ADAMTS20: variants seen among roughly 807,000 people sequenced by gnomAD.
ADAMTS20 encodes the protein A disintegrin and metalloproteinase with thrombospondin motifs 20.
In ADAMTS20, 225 loss-of-function variants were observed where a neutral mutation model predicts 260.1. The ratio of observed to expected loss-of-function variants is 0.87; its 90% CI spans 0.78 to 0.97. ADAMTS20 has a LOEUF of 0.97. Ranked by LOEUF, ADAMTS20 falls within the 50% of genes least tolerant of loss-of-function variation. The pLI, the probability that ADAMTS20 is intolerant of heterozygous loss-of-function variation, is 0.00. For synonymous variants in ADAMTS20, 802 were observed against 769.5 expected, an observed-to-expected ratio of 1.04 and a Z score of -0.70; for missense variants, 2,400 against 2,337.7, an observed-to-expected ratio of 1.03 and a Z score of -0.55.
chr12:43,409,747 C>A (rs544340727), intron 28 of ADAMTS20, among the ~76,000 whole-genome samples: 3 of 150,880 alleles, frequency 2.0e-5, no homozygotes, highest in Non-Finnish European at 3.0e-5. Flanking sequence ...CAACACAAAT[C>A]TTTTTAATGA....
At chr12:43,528,499 A>C (rs988189258) in intron 3 of ADAMTS20, among the ~76,000 whole-genome samples, 4 of 152,148 alleles carry the variant, frequency 2.6e-5, no homozygotes, top group African/African-American at 9.6e-5. Flanking sequence ...AGAACCTACA[A>C]ATAAAGCCAA....
At chr12:43,412,742 C>T (rs114415096) in intron 28 of ADAMTS20, among the ~76,000 whole-genome samples, 1,945 of 150,022 alleles carry the variant, frequency 0.013, 45 homozygotes, top group African/African-American at 0.046. Context: ...CTAAGGCCCA[C>T]GAATAAACAA....
intron 29 of ADAMTS20, among the ~76,000 whole-genome samples, chr12:43,394,705 G>A (rs931402578): frequency 2.6e-5 from 4 of 152,028 alleles, no homozygotes; most frequent in African/African-American, 9.7e-5. Context: ...ATTTGCTAAG[G>A]AAATATAAGG....
At chr12:43,386,001 T>A (rs139436476) in intron 29 of ADAMTS20, among the ~76,000 whole-genome samples, 3,420 of 152,288 alleles carry the variant, frequency 0.022, 57 homozygotes, top group East Asian at 0.085. Context: ...AGTGGTGATA[T>A]CTCCTTTATC....
chr12:43,372,525 CT>C (rs1453390339), intron 36 of ADAMTS20, among the ~76,000 whole-genome samples: 1 of 152,096 alleles, frequency 6.6e-6, no homozygotes, highest in Non-Finnish European at 1.5e-5. Context: ...AGAAATTTTA[CT>C]ATAAATGAAC....
intron 29 of ADAMTS20, among the ~76,000 whole-genome samples, chr12:43,398,803 G>A (rs1956658924): frequency 6.6e-6 from 1 of 152,042 alleles, no homozygotes; most frequent in Admixed American, 6.6e-5. Context: ...TTGAGCCCAG[G>A]AGTTTAAGAA....
chr12:43,411,625 C>A (rs908059207), intron 28 of ADAMTS20, among the ~76,000 whole-genome samples: 4 of 152,148 alleles, frequency 2.6e-5, no homozygotes, highest in Non-Finnish European at 1.5e-5. Flanking sequence ...ACCTCAGCCT[C>A]CCAAAGTGCT....
chr12:43,392,354 A>C (rs1940613742), intron 29 of ADAMTS20, among the ~76,000 whole-genome samples: 1 of 152,142 alleles, frequency 6.6e-6, no homozygotes, highest in South Asian at 2.1e-4. Context: ...TTTAGCAAGA[A>C]GTTCTATTAG....
At chr12:43,517,829 C>G (rs1399890588) in intron 3 of ADAMTS20, among the ~76,000 whole-genome samples, 1 of 151,892 alleles carries the variant, frequency 6.6e-6, no homozygotes, top group African/African-American at 2.4e-5. Flanking sequence ...ACAAATAGAC[C>G]AATGGAAGAG....
intron 26 of ADAMTS20, among the ~76,000 whole-genome samples, chr12:43,428,040 A>G (rs1159434990): frequency 6.6e-6 from 1 of 152,180 alleles, no homozygotes; most frequent in Admixed American, 6.5e-5. Context: ...TGTAATCATA[A>G]TAACACATTA....
At chr12:43,467,782 T>C (rs1052743563) in intron 8 of ADAMTS20, among the ~76,000 whole-genome samples, 1 of 152,114 alleles carries the variant, frequency 6.6e-6, no homozygotes, top group Non-Finnish European at 1.5e-5. Flanking sequence ...GAGATGATCG[T>C]TTACTAAAAA....
At chr12:43,370,301 C>T (rs1321312453) in intron 36 of ADAMTS20, among the ~76,000 whole-genome samples, 1 of 152,172 alleles carries the variant, frequency 6.6e-6, no homozygotes, top group Non-Finnish European at 1.5e-5. Context: ...GCATTTCTTC[C>T]CAAGCCCAGG....
chr12:43,366,064 C>T (rs1179341460), intron 37 of ADAMTS20, among the ~76,000 whole-genome samples: 2 of 151,574 alleles, frequency 1.3e-5, no homozygotes, highest in East Asian at 3.9e-4. Context: ...TAAAAAAATC[C>T]AATCAAAGGC....
chr12:43,471,570 A>G, intron 7 of ADAMTS20, among the ~76,000 whole-genome samples: 1 of 131,454 alleles, frequency 7.6e-6, no homozygotes, highest in Non-Finnish European at 1.6e-5. Flanking sequence ...TAACCTCTGC[A>G]GACTTAAATG....
At chr12:43,397,058 A>G (rs1414875412) in intron 29 of ADAMTS20, among the ~76,000 whole-genome samples, 2 of 152,260 alleles carry the variant, frequency 1.3e-5, no homozygotes, top group East Asian at 3.9e-4. Flanking sequence ...CTACTTTGCC[A>G]TTATCCTGAC....
intron 20 of ADAMTS20, 64 bp from the exon 21 acceptor site, chr12:43,432,532 T>G: frequency 6.2e-7 from 1 of 1,600,774 alleles, no homozygotes; most frequent in South Asian, 1.1e-5. Context: ...AAATTATACT[T>G]CAGAGTAACA....
At chr12:43,464,153 C>T (rs1054894249) in intron 10 of ADAMTS20, among the ~76,000 whole-genome samples, 3 of 151,884 alleles carry the variant, frequency 2.0e-5, no homozygotes, top group African/African-American at 7.3e-5. Flanking sequence ...AAACAATATG[C>T]CCCAAATTTA....
intron 37 of ADAMTS20, among the ~76,000 whole-genome samples, chr12:43,360,339 C>T (rs1404127056): frequency 6.6e-6 from 1 of 152,148 alleles, no homozygotes; most frequent in East Asian, 1.9e-4. Flanking sequence ...ATCCTAGCCA[C>T]TCAGGAGGCT....
intron 3 of ADAMTS20, among the ~76,000 whole-genome samples, chr12:43,504,602 A>G (rs1031743128): frequency 1.3e-5 from 2 of 152,226 alleles, no homozygotes; most frequent in African/African-American, 4.8e-5. Flanking sequence ...AGAAATCTCA[A>G]TCAAGGAAAA....
Sources: allele counts gnomAD v4.1 joint callset (sites outside exome capture counted in the v4.1 genomes callset), GRCh38; gene constraint gnomAD v4.1.1; transcripts MANE v1.5; gene names NCBI Gene and HGNC (gene_info 2026-07-23, HGNC 2026-07-21).